CDH20: variants seen among roughly 807,000 people sequenced by gnomAD.
The protein encoded by CDH20 is cadherin 20.
A neutral mutation model predicts 74.2 loss-of-function variants in CDH20; 29 were observed. The observed-to-expected ratio is 0.39, with a 90% CI of 0.29 to 0.53. The LOEUF is 0.53. Ranked by LOEUF, CDH20 falls within the 20% of genes least tolerant of loss-of-function variation. The probability of loss-of-function intolerance (pLI) is 0.69; values close to 1 mark genes in which losing one functional copy is unlikely to be tolerated. For synonymous variants in CDH20, 469 were observed against 405.4 expected (o/e 1.16, Z -1.88); for missense variants, 988 against 1,048.3 (o/e 0.94, Z 0.79).
At position 61,461,790 on chromosome 18, in the gene CDH20, G is replaced by C. The variant is rs186459254; in HGVS notation, c.-152-28612G>C. On this transcript the variant is annotated intron_variant, in intron 1 of 11. Transcript: ENST00000262717. ...TCTGGGGTCCAAATATCCTCTAGAG[G>C]TTTCCCATTGGCCATTTGGTATACA... Among the ~76,000 whole-genome samples the C allele has an allele frequency of 3.3e-3, 499 of 152,264 alleles. 3 individuals are homozygous for C. Among genetic ancestry groups the C allele is most frequent in the Non-Finnish European group, 6.3e-3 (431 of 68,018 alleles).
In CDH20 at chr18:61,347,319, TACACACACAC is replaced by T. The variant is rs33985303; in HGVS notation, c.-153+13516_-153+13525del. On this transcript the variant is annotated intron_variant, in intron 1 of 11. Coordinates refer to ENST00000262717, the MANE Select transcript of CDH20 (RefSeq NM_031891.4). ...ATATATATATATATATATATATATA[TACACACACAC>T]ACACACACACACACACACACACATA... Among the ~76,000 whole-genome samples the T allele has an allele frequency of 3.7e-3, 283 of 77,338 alleles. 2 individuals carry two copies. Among genetic ancestry groups the T allele is most frequent in the African/African-American group, 0.016 (267 of 17,126 alleles). 50.7% of individuals were successfully genotyped at this position (77,338 alleles called of 152,430 possible).
chr18:61,411,960 C>T (rs540874078), intron 1 of CDH20, among the ~76,000 whole-genome samples: 218 of 151,858 alleles, frequency 1.4e-3, no homozygotes, highest in Non-Finnish European at 1.9e-3. Context: ...AGAACTTACT[C>T]ATGTAACCAA....
Position 61,454,985 on chromosome 18 carries a change from C to A in CDH20, c.-152-35417C>A, listed in dbSNP as rs116207330. On this transcript the variant is annotated intron_variant, in intron 1 of 11. Coordinates refer to ENST00000262717, the MANE Select transcript of CDH20 (RefSeq NM_031891.4). The stretch of plus-strand genomic sequence containing the variant: ...AGCAGGCATCTGACTACAGGGAAGC[C>A]ATTTAAGCCATAGAGGCCTTGCTTT... Among the ~76,000 whole-genome samples, 847 of 152,304 alleles carry A rather than the reference C, an allele frequency of 5.6e-3. 6 individuals carry two copies. Among genetic ancestry groups the A allele is most frequent in the African/African-American group, 0.018 (758 of 41,580 alleles).
Position 61,500,453 on chromosome 18 carries a change from G to T in CDH20, c.612G>T (p.Val204=), listed in dbSNP as rs762641363. Residue 204 remains valine, a synonymous_variant, in exon 4 of 12, where the codon GTG becomes GTT. Transcript: ENST00000262717. Reference sequence around the variant, plus strand: ...CCTACGGCAACAGTGCCAGGGTGGTGTACAGCATTCTTCAGGGCCAGCCAT... The same window carrying T: ...CCTACGGCAACAGTGCCAGGGTGGTTTACAGCATTCTTCAGGGCCAGCCAT... ...DPTYGNSARV[V]YSILQGQPYF... 6.2e-6 allele frequency: 10 copies of T among 1,612,982 alleles called. No homozygotes were observed. Among genetic ancestry groups the T allele is most frequent in the Non-Finnish European group, 8.5e-6 (10 of 1,179,250 alleles).
rs1020669596 is a variant in CDH20 at position 61,521,770 on chromosome 18, T to C, written c.1018-6197T>C. Among the ~76,000 whole-genome samples the C allele has an allele frequency of 6.9e-5, 10 of 144,024 alleles. 1 individual carries two copies. The highest frequency in any genetic ancestry group is 2.8e-4 in the African/African-American group (10 of 35,922). The allele number at this position is 144,024 out of a possible 152,430, so 94.5% of individuals were successfully genotyped here. A position where few individuals can be genotyped will look rare whatever the true frequency, so the allele number is the denominator to read the frequency against. Reference sequence around the variant, plus strand: ...TCTGGGATGCAAGGCTGGTTCAACATATGCAAATCAATAAATGTAATCCAT... The same window carrying C: ...TCTGGGATGCAAGGCTGGTTCAACACATGCAAATCAATAAATGTAATCCAT... On this transcript the variant is annotated intron_variant, in intron 6 of 11. Transcript: ENST00000262717.
chr18:61,422,159 A>G (rs551530034), intron 1 of CDH20, among the ~76,000 whole-genome samples: 9 of 152,258 alleles, frequency 5.9e-5, no homozygotes, highest in African/African-American at 2.2e-4. Flanking sequence ...GCTCCATGGG[A>G]CAGAAAAGTG....
chr18:61,374,336 G>A (rs756078454), intron 1 of CDH20, among the ~76,000 whole-genome samples: 22 of 152,094 alleles, frequency 1.4e-4, no homozygotes, highest in African/African-American at 4.8e-4. Context: ...CCCCAAATGA[G>A]GGGAAATTTC....
intron 1 of CDH20, among the ~76,000 whole-genome samples, chr18:61,425,466 C>T (rs552972699): frequency 6.6e-5 from 10 of 152,316 alleles, no homozygotes; most frequent in Admixed American, 1.3e-4. Flanking sequence ...GCCCCTCAGA[C>T]GGTGGTACCA....
intron 1 of CDH20, among the ~76,000 whole-genome samples, chr18:61,426,859 G>A (rs1402302224): frequency 2.6e-5 from 4 of 152,164 alleles, no homozygotes; most frequent in African/African-American, 9.7e-5. Context: ...AAGTATCCCT[G>A]GTAATCTCTG....
chr18:61,358,037 G>A (rs186660840), intron 1 of CDH20, among the ~76,000 whole-genome samples: 1 of 151,838 alleles, frequency 6.6e-6, no homozygotes, highest in East Asian at 1.9e-4. Context: ...CCTACAGGAG[G>A]CCTTATCCAA....
At chr18:61,533,436 T>C (rs1568180163) in intron 7 of CDH20, among the ~76,000 whole-genome samples, 1 of 152,240 alleles carries the variant, frequency 6.6e-6, no homozygotes, top group African/African-American at 2.4e-5. Context: ...CATAGTAAAG[T>C]GCCTGATATT....
chr18:61,436,538 T>C (rs550350697), intron 1 of CDH20, among the ~76,000 whole-genome samples: 1 of 152,306 alleles, frequency 6.6e-6, no homozygotes, highest in African/African-American at 2.4e-5. Flanking sequence ...GACATGCCTG[T>C]GAAACATCTA....
chr18:61,407,952 A>G (rs1011093845), intron 1 of CDH20, among the ~76,000 whole-genome samples: 1 of 152,246 alleles, frequency 6.6e-6, no homozygotes, highest in Admixed American at 6.5e-5. Flanking sequence ...ATAGTATTAC[A>G]TCAATGTTAA....
intron 1 of CDH20, among the ~76,000 whole-genome samples, chr18:61,424,670 G>A (rs1399677450): frequency 1.3e-5 from 2 of 152,122 alleles, no homozygotes; most frequent in African/African-American, 4.8e-5. Flanking sequence ...TTCTCAGAAT[G>A]CATATTCTTT....
chr18:61,528,142 T>G lies in CDH20; in HGVS notation c.1193T>G (p.Val398Gly). 1 of 1,614,090 alleles carries G rather than the reference T, an allele frequency of 6.2e-7. No individual in the cohort carries two copies. The highest frequency in any genetic ancestry group is 8.5e-7 in the Non-Finnish European group (1 of 1,180,000). ...VFEPGFYFVE[V>G]PEDVAIGTTI... ...GAACCTGGCTTTTACTTTGTGGAGG[T>G]GCCTGAGGATGTGGCGATTGGAACA... The change falls in exon 7 of 12, where the codon GTG becomes GGG. Residue 398 changes from valine (V) to glycine (G), a missense_variant. By Grantham distance (109) the Val-to-Gly change is moderately radical (BLOSUM62 -3). This residue lies in a region of CDH20 where 613 missense variants were observed against 755.2 expected (regional missense o/e 0.81). Transcript: ENST00000262717.
chr18:61,375,831 T>C (rs539530101), intron 1 of CDH20, among the ~76,000 whole-genome samples: 42 of 152,288 alleles, frequency 2.8e-4, no homozygotes, highest in South Asian at 4.1e-4. Flanking sequence ...TCACTACTAC[T>C]GTCTTTAATC....
chr18:61,415,261 TA>T (rs894475627), intron 1 of CDH20, among the ~76,000 whole-genome samples: 1 of 152,134 alleles, frequency 6.6e-6, no homozygotes, highest in African/African-American at 2.4e-5. Flanking sequence ...GGGTCCTTTT[TA>T]AAATATATAT....
intron 5 of CDH20, among the ~76,000 whole-genome samples, chr18:61,505,698 T>C (rs566241525): frequency 2.0e-5 from 3 of 152,334 alleles, no homozygotes; most frequent in African/African-American, 4.8e-5. Flanking sequence ...TTTCAAAATA[T>C]AGTTTTAATG....
chr18:61,493,568 A>G (rs1483282027), intron 2 of CDH20, among the ~76,000 whole-genome samples: 1 of 152,134 alleles, frequency 6.6e-6, no homozygotes. Context: ...GTTCTGCCAC[A>G]CATACCACGT....
Sources: gnomAD v4.1 joint callset for allele counts (sites outside exome capture counted in the v4.1 genomes callset) on GRCh38, gnomAD v4.1.1 for gene constraint, gnomAD v4.1.1 regional missense constraint, MANE v1.5 for transcripts, NCBI Gene and HGNC (gene_info 2026-07-23, HGNC 2026-07-21) for gene names.